IL1RAPL2: variants seen among roughly 807,000 people sequenced by gnomAD.
IL1RAPL2 encodes X-linked interleukin-1 receptor accessory protein-like 2.
IL1RAPL2 carries 3 observed loss-of-function variants against 44.1 expected under a neutral mutation model. The ratio of observed to expected loss-of-function variants is 0.07; its 90% CI spans 0.03 to 0.18. The LOEUF (loss-of-function observed/expected upper bound fraction) is 0.18. Among genes scored for constraint, IL1RAPL2 ranks in the 10% least tolerant of loss-of-function variants. IL1RAPL2 has a pLI of 1.00. For missense variants in IL1RAPL2, 391 were observed against 496.4 expected (o/e 0.79, Z 2.02); for synonymous variants, 181 against 178.8 (o/e 1.01, Z -0.10).
chrX:104,943,068 T>C (rs1925234397), intron 2 of IL1RAPL2, among the ~76,000 whole-genome samples: 1 of 111,436 alleles, frequency 9.0e-6, no homozygotes, highest in African/African-American at 3.3e-5. Context: ...TGGATAAGCT[T>C]TTTGATGTGC....
At chrX:104,895,174 T>TC (rs1923602206) in intron 2 of IL1RAPL2, among the ~76,000 whole-genome samples, 4 of 93 alleles carry the variant, frequency 0.043, no homozygotes, top group Admixed American at 0.38. Context: ...TACCTGGCCA[T>TC]GGAGGTATCA....
intron 6 of IL1RAPL2, among the ~76,000 whole-genome samples, chrX:105,683,458 A>ATTG (rs2037942031): frequency 9.0e-6 from 1 of 111,431 alleles, no homozygotes; most frequent in African/African-American, 3.3e-5. Flanking sequence ...CAATGTGTTC[A>ATTG]TTGTTGCTAT....
At chrX:105,363,506 T>C (rs988290368) in intron 5 of IL1RAPL2, among the ~76,000 whole-genome samples, 2 of 106,448 alleles carry the variant, frequency 1.9e-5, no homozygotes, top group African/African-American at 3.4e-5. Context: ...GTTTAGTTTT[T>C]TGAGGAACCT....
intron 6 of IL1RAPL2, among the ~76,000 whole-genome samples, chrX:105,610,864 C>A (rs189290919): frequency 2.7e-5 from 2 of 74,235 alleles, no homozygotes; most frequent in Admixed American, 3.5e-4. Flanking sequence ...GGCGTGTACT[C>A]CTAATACACA....
At chrX:104,768,655 A>G (rs1478582073) in intron 2 of IL1RAPL2, among the ~76,000 whole-genome samples, 1 of 111,199 alleles carries the variant, frequency 9.0e-6, no homozygotes, top group African/African-American at 3.3e-5. Flanking sequence ...AGGGATGTCA[A>G]GCATCTTGTG....
intron 2 of IL1RAPL2, among the ~76,000 whole-genome samples, chrX:105,075,201 T>A (rs2147541804): frequency 9.0e-6 from 1 of 111,626 alleles, no homozygotes; most frequent in South Asian, 3.8e-4. Context: ...CTCTTATTAT[T>A]TTGAGATATG....
At chrX:105,020,167 G>A (rs73518204) in intron 2 of IL1RAPL2, among the ~76,000 whole-genome samples, 2 of 103,480 alleles carry the variant, frequency 1.9e-5, no homozygotes, top group Non-Finnish European at 3.8e-5. Flanking sequence ...AGAGATTGGT[G>A]GGGGGGAGGG....
chrX:104,970,453 C>G (rs915389125), intron 2 of IL1RAPL2, among the ~76,000 whole-genome samples: 1 of 111,843 alleles, frequency 8.9e-6, no homozygotes, highest in African/African-American at 3.3e-5. Context: ...AGGGCTACCC[C>G]ACAGGCAGTG....
intron 6 of IL1RAPL2, among the ~76,000 whole-genome samples, chrX:105,517,993 C>T (rs2036527638): frequency 9.0e-6 from 1 of 110,749 alleles, no homozygotes; most frequent in Non-Finnish European, 1.9e-5. Flanking sequence ...GCAGAAACAT[C>T]AAGAAAGAGA....
chrX:105,045,403 G>A (rs1186376958), intron 2 of IL1RAPL2, among the ~76,000 whole-genome samples: 1 of 112,059 alleles, frequency 8.9e-6, no homozygotes, highest in Non-Finnish European at 1.9e-5. Flanking sequence ...TAATTTAGAT[G>A]TGTATGTGGA....
rs1214458742 is a variant in IL1RAPL2, at chrX:105,626,118, A to G, written c.773-91249A>G. On this transcript the variant is annotated intron_variant, in intron 6 of 10. Transcript: ENST00000372582. ...TAGACAAACAGATTCTCAAAGCTGT[A>G]TACATTTCAGCATAGGAGGAACCTG... 7.1e-5 allele frequency among the ~76,000 whole-genome samples: 8 copies of G among 111,939 alleles called. No individual in the cohort carries two copies. In the Admixed American group the frequency reaches 7.6e-4, roughly 11 times the overall value.
At chrX:105,649,842 C>T (rs1305963191) in intron 6 of IL1RAPL2, among the ~76,000 whole-genome samples, 2 of 111,742 alleles carry the variant, frequency 1.8e-5, no homozygotes, top group East Asian at 5.7e-4. Flanking sequence ...AGGAAATATA[C>T]CGCACTTAGG....
intron 6 of IL1RAPL2, among the ~76,000 whole-genome samples, chrX:105,713,585 C>T (rs1348166082): frequency 1.8e-5 from 2 of 111,253 alleles, no homozygotes; most frequent in Non-Finnish European, 3.8e-5. Context: ...TTACAATTTG[C>T]GATGAGATTT....
At chrX:105,592,828 G>A (rs916013419) in intron 6 of IL1RAPL2, among the ~76,000 whole-genome samples, 6 of 111,708 alleles carry the variant, frequency 5.4e-5, no homozygotes, top group African/African-American at 2.0e-4. Flanking sequence ...CCCTTTGTAA[G>A]TGAATTGCCC....
chrX:104,703,003 T>C (rs1000083634), intron 2 of IL1RAPL2, among the ~76,000 whole-genome samples: 6 of 111,203 alleles, frequency 5.4e-5, no homozygotes, highest in Non-Finnish European at 1.1e-4. Context: ...GAGAAGCATA[T>C]GGACAAGCAT....
chrX:105,178,523 G>C (rs1219458851), intron 2 of IL1RAPL2, among the ~76,000 whole-genome samples: 1 of 111,778 alleles, frequency 8.9e-6, no homozygotes, highest in Admixed American at 9.5e-5. Context: ...TGGTAGCTCT[G>C]TTTTTAGTTT....
At chrX:104,842,141 CT>C (rs1317583141) in intron 2 of IL1RAPL2, among the ~76,000 whole-genome samples, 1 of 109,080 alleles carries the variant, frequency 9.2e-6, no homozygotes, top group Non-Finnish European at 1.9e-5. Context: ...GCAAGGTGGT[CT>C]TCAATCTCTG....
chrX:104,717,185 A>G (rs1931584960), intron 2 of IL1RAPL2, among the ~76,000 whole-genome samples: 1 of 111,710 alleles, frequency 9.0e-6, no homozygotes, highest in Admixed American at 9.5e-5. Context: ...CAAATATTGC[A>G]TGTTTTCACT....
rs528478007 is a variant in IL1RAPL2 at position 104,910,014 on chromosome X, T to G, written c.82+251019T>G. On this transcript the variant is annotated intron_variant, in intron 2 of 10. Transcript: ENST00000372582. ...GCTAGCAATCAGCGAGACTCCGTGGTTGTAGGACCCTCCGAGCCAGGTGGG... is the reference window on the plus strand; with the variant it reads ...GCTAGCAATCAGCGAGACTCCGTGGGTGTAGGACCCTCCGAGCCAGGTGGG... Among the ~76,000 whole-genome samples, 88 of 112,600 alleles carry G rather than the reference T, an allele frequency of 7.8e-4. No homozygotes were observed. In the South Asian group the frequency reaches 0.023, roughly 29 times the overall value.
Sources: gnomAD v4.1 joint callset for allele counts (sites outside exome capture counted in the v4.1 genomes callset) on GRCh38, gnomAD v4.1.1 for gene constraint, MANE v1.5 for transcripts, NCBI Gene and HGNC (gene_info 2026-07-23, HGNC 2026-07-21) for gene names.